Variants in RASGRF1 observed in about 807,000 individuals in gnomAD.
RASGRF1 encodes the protein ras-specific guanine nucleotide-releasing factor 1.
In RASGRF1, 40 loss-of-function variants were observed where a neutral mutation model predicts 138.7. That is an observed-to-expected ratio of 0.29 (90% CI 0.22 to 0.38). The LOEUF is 0.38. Among genes scored for constraint, RASGRF1 ranks in the 10% least tolerant of loss-of-function variants. The pLI, the probability that RASGRF1 is intolerant of heterozygous loss-of-function variation, is 1.00. For synonymous variants in RASGRF1, 614 were observed against 663.2 expected (o/e 0.93, Z 1.14); for missense variants, 1,108 against 1,650.4 (o/e 0.67, Z 5.69).
At chr15:79,051,464 T>TACACAC (rs372645045) in intron 3 of RASGRF1, among the ~76,000 whole-genome samples, 1 of 151,002 alleles carries the variant, frequency 6.6e-6, no homozygotes, top group Non-Finnish European at 1.5e-5. Flanking sequence ...CACGCAAGCG[T>TACACAC]ACACACACAC....
intron 5 of RASGRF1, among the ~76,000 whole-genome samples, chr15:79,039,020 C>A (rs76000012): frequency 0.041 from 6,247 of 152,128 alleles, 455 homozygotes; most frequent in African/African-American, 0.14. Flanking sequence ...GCTGGTTTTT[C>A]ATAGTTACCA....
intron 3 of RASGRF1, among the ~76,000 whole-genome samples, chr15:79,053,798 C>T (rs1197507251): frequency 6.6e-6 from 1 of 152,200 alleles, no homozygotes; most frequent in Non-Finnish European, 1.5e-5. Context: ...TCGCACAGAG[C>T]CCCAGGCTTA....
chr15:79,074,351 G>A (rs930943608), intron 1 of RASGRF1, among the ~76,000 whole-genome samples: 2 of 152,228 alleles, frequency 1.3e-5, no homozygotes, highest in African/African-American at 2.4e-5. Flanking sequence ...ACTGGAGCCA[G>A]TTTAGGGTGA....
Position 79,058,579 on chromosome 15 carries a change from G to A in RASGRF1, c.384-98C>T, listed in dbSNP as rs895362311. Reference sequence around the variant, plus strand: ...GGGAGAGGGGCTCACCCACCCACCTGCACTTAGCAGAAGGCCCTGACTCCC... The same window carrying A: ...GGGAGAGGGGCTCACCCACCCACCTACACTTAGCAGAAGGCCCTGACTCCC... On this transcript the variant is annotated intron_variant, in intron 2 of 26. Transcript: ENST00000558480. 4 of 1,463,590 alleles carry A rather than the reference G, an allele frequency of 2.7e-6. No individual in the cohort carries two copies. The Admixed American group carries it at 7.6e-5, about 28-fold the overall frequency. 90.7% of individuals were successfully genotyped at this position (1,463,590 alleles called of 1,614,324 possible). A position where few individuals can be genotyped will look rare whatever the true frequency, so the allele number is the denominator to read the frequency against.
chr15:79,020,467 C>A (rs573308216), intron 10 of RASGRF1, among the ~76,000 whole-genome samples: 47 of 152,354 alleles, frequency 3.1e-4, no homozygotes, highest in African/African-American at 1.1e-3. Flanking sequence ...GGTTTGAAAT[C>A]CCCCGTTTTA....
At position 79,058,207 on chromosome 15, in the gene RASGRF1, GGA is replaced by G. The variant is rs1299467213; in HGVS notation, c.531+125_531+126del. On this transcript the variant is annotated intron_variant, in intron 3 of 26. Coordinates refer to ENST00000558480, the MANE Select transcript of RASGRF1 (RefSeq NM_001145648.3). ...GCCAGTACCACCACGTCCTAAGTTT[GGA>G]GTCTGGAAGAACTGCATCTGGGAGC... is the stretch of plus-strand genomic sequence containing the variant. The G allele has an allele frequency of 7.2e-6, 10 of 1,384,956 alleles. No individual in the cohort carries two copies. In the Admixed American group the frequency reaches 1.3e-4, roughly 18 times the overall value. The allele number at this position is 1,384,956 out of a possible 1,614,324, so 85.8% of individuals were successfully genotyped here.
chr15:79,003,046 G>C (rs575773667), intron 15 of RASGRF1, among the ~76,000 whole-genome samples: 1 of 152,210 alleles, frequency 6.6e-6, no homozygotes, highest in Non-Finnish European at 1.5e-5. Flanking sequence ...TTTTAGAACA[G>C]TCAGGAGAAA....
At chr15:78,964,799 CTG>C (rs1881742276) in intron 26 of RASGRF1, among the ~76,000 whole-genome samples, 1 of 152,148 alleles carries the variant, frequency 6.6e-6, no homozygotes, top group Non-Finnish European at 1.5e-5. Flanking sequence ...TCTAAAATAA[CTG>C]TTTTCATTTT....
At chr15:79,057,502 G>C (rs1341837931) in intron 3 of RASGRF1, among the ~76,000 whole-genome samples, 2 of 152,238 alleles carry the variant, frequency 1.3e-5, no homozygotes, top group Non-Finnish European at 2.9e-5. Flanking sequence ...CCCCTCCTCA[G>C]TGCAAAATCT....
chr15:79,008,575 G>A (rs1296979970), intron 13 of RASGRF1, among the ~76,000 whole-genome samples: 1 of 152,180 alleles, frequency 6.6e-6, no homozygotes, highest in Non-Finnish European at 1.5e-5. Flanking sequence ...TCCTGGACAT[G>A]AAAAACAAGA....
In RASGRF1 at chr15:79,003,770, TG is replaced by T. The variant is rs750704703; in HGVS notation, c.2449+31del. On this transcript the variant is annotated intron_variant, in intron 15 of 26. Coordinates refer to ENST00000558480, the MANE Select transcript of RASGRF1 (RefSeq NM_001145648.3). ...CTGAGCCTCAGTGGGGCTGGGAGGC[TG>T]GGGGGCAGCTCCGACGGCATGGCCA... is the stretch of plus-strand genomic sequence containing the variant. 1.6e-5 allele frequency: 25 copies of T among 1,552,156 alleles called. No individual in the cohort carries two copies. In the Admixed American group the frequency reaches 3.7e-4, roughly 23 times the overall value.
intron 24 of RASGRF1, among the ~76,000 whole-genome samples, chr15:78,975,677 A>G (rs1027559449): frequency 2.0e-5 from 3 of 151,938 alleles, no homozygotes; most frequent in Non-Finnish European, 2.9e-5. Context: ...TACCCAGCGA[A>G]TTTTTGTATT....
chr15:79,021,179 T>C (rs990308509), intron 10 of RASGRF1, among the ~76,000 whole-genome samples: 3 of 152,206 alleles, frequency 2.0e-5, no homozygotes, highest in African/African-American at 7.2e-5. Context: ...TAGCTCCTGA[T>C]TTCCTGACCC....
rs1413163615 is a variant in RASGRF1, at chr15:78,998,716, C to T, written c.2853+3G>A. On this transcript the variant is annotated splice_donor_region_variant and intron_variant, in intron 18 of 26. Transcript: ENST00000558480. ...AGCCTGCCCAGGGAGGGCTCCCACC[C>T]ACCTGAGAGTGCTTGGACACCCAGT... 1 of 1,612,234 alleles carries T rather than the reference C, an allele frequency of 6.2e-7. No homozygotes were observed. Among genetic ancestry groups the T allele is most frequent in the South Asian group, 1.1e-5 (1 of 91,048 alleles).
Position 79,090,207 on chromosome 15 carries a change from G to T in RASGRF1, c.276+16C>A, listed in dbSNP as rs748661803. On this transcript the variant is annotated intron_variant, in intron 1 of 26. Transcript: ENST00000558480. ...GGCCGGGACGCAGGGAGGTCAGGAC[G>T]CGACGCTCGCCTCACCTGTTTCTCC... 2.5e-6 allele frequency: 4 copies of T among 1,586,332 alleles called. No homozygotes were observed. The highest frequency in any genetic ancestry group is 3.4e-6 in the Non-Finnish European group (4 of 1,169,752).
At chr15:79,038,328 T>C (rs1321189925) in intron 5 of RASGRF1, among the ~76,000 whole-genome samples, 4 of 152,212 alleles carry the variant, frequency 2.6e-5, no homozygotes, top group African/African-American at 9.6e-5. Context: ...ATACTGCACA[T>C]GCCTGTGTAG....
At chr15:79,065,426 TG>T (rs1167210926) in intron 1 of RASGRF1, among the ~76,000 whole-genome samples, 7 of 151,724 alleles carry the variant, frequency 4.6e-5, no homozygotes, top group African/African-American at 1.7e-4. Flanking sequence ...GGCAGGGACC[TG>T]GGGTGCAGCT....
intron 1 of RASGRF1, among the ~76,000 whole-genome samples, chr15:79,068,569 A>G (rs1009437501): frequency 3.4e-5 from 5 of 148,694 alleles, no homozygotes; most frequent in African/African-American, 1.2e-4. Context: ...ATATCGATGT[A>G]TCATATATAT....
At chr15:78,997,531 G>A (rs1338797491) in intron 19 of RASGRF1, among the ~76,000 whole-genome samples, 1 of 152,070 alleles carries the variant, frequency 6.6e-6, no homozygotes, top group Admixed American at 6.5e-5. Flanking sequence ...TCAGGAGACT[G>A]AGACCAGCCT....
Sources: gnomAD v4.1 joint callset for allele counts (sites outside exome capture counted in the v4.1 genomes callset) on GRCh38, gnomAD v4.1.1 for gene constraint, MANE v1.5 for transcripts, NCBI Gene and HGNC (gene_info 2026-07-23, HGNC 2026-07-21) for gene names.